The following MID1 variants were observed in gnomAD, a reference collection of about 807,000 sequenced individuals.
The protein encoded by MID1 is E3 ubiquitin-protein ligase Midline-1.
MID1 carries 7 observed loss-of-function variants against 40.4 expected under a neutral mutation model. That is an observed-to-expected ratio of 0.17 (90% CI 0.10 to 0.33). The LOEUF (loss-of-function observed/expected upper bound fraction) is 0.33, where lower values mean the gene tolerates loss of function less well. MID1 is among the 10% of genes least tolerant of loss of function. The probability of loss-of-function intolerance (pLI) is 1.00; values close to 1 mark genes in which losing one functional copy is unlikely to be tolerated. For missense variants in MID1, 367 were observed against 558.5 expected (o/e 0.66, Z 3.46); for synonymous variants, 229 against 221.2 (o/e 1.04, Z -0.31).
chrX:10,631,554 T>C (rs1378901552), intron 1 of MID1, among the ~76,000 whole-genome samples: 2 of 111,649 alleles, frequency 1.8e-5, no homozygotes, highest in Admixed American at 9.5e-5. Flanking sequence ...TACTCAAAAA[T>C]AGTAGCTTGT....
At chrX:10,553,040 G>A (rs1933977098) in intron 2 of MID1, among the ~76,000 whole-genome samples, 1 of 110,611 alleles carries the variant, frequency 9.0e-6, no homozygotes, top group Non-Finnish European at 1.9e-5. Flanking sequence ...CTGATGTCAG[G>A]AGTTCGAGAT....
chrX:10,495,520 G>C (rs1163789848), intron 4 of MID1, 64 bp downstream of exon 4: 11 of 828,156 alleles, frequency 1.3e-5, no homozygotes, highest in Admixed American at 4.5e-5. Context: ...AAAGTCCCTG[G>C]AGTGTATTAG....
At chrX:10,765,695 CA>C (rs752828221) in intron 1 of MID1, among the ~76,000 whole-genome samples, 3 of 111,028 alleles carry the variant, frequency 2.7e-5, no homozygotes, top group Non-Finnish European at 5.6e-5. Context: ...CTGGTTTGAA[CA>C]ATAAGCATGT....
intron 5 of MID1, among the ~76,000 whole-genome samples, chrX:10,480,294 G>A (rs1477020898): frequency 8.9e-6 from 1 of 112,305 alleles, no homozygotes; most frequent in Non-Finnish European, 1.9e-5. Flanking sequence ...TGGAACTGAG[G>A]GAGATTGTAT....
At chrX:10,787,601 G>T (rs1466873257) in intron 1 of MID1, among the ~76,000 whole-genome samples, 2 of 73,740 alleles carry the variant, frequency 2.7e-5, no homozygotes, top group African/African-American at 1.1e-4. Flanking sequence ...TTTTAAAATA[G>T]AGACAAGATC....
intron 1 of MID1, among the ~76,000 whole-genome samples, chrX:10,781,101 A>G (rs2043842585): frequency 8.9e-6 from 1 of 112,020 alleles, no homozygotes; most frequent in African/African-American, 3.2e-5. Context: ...TGGCTTAAAT[A>G]AGTGAAGGGG....
intron 1 of MID1, among the ~76,000 whole-genome samples, chrX:10,669,291 A>G (rs1020053338): frequency 3.7e-5 from 4 of 108,082 alleles, no homozygotes; most frequent in Non-Finnish European, 7.7e-5. Flanking sequence ...CTGATGGTGG[A>G]TGAATAAATC....
intron 1 of MID1, among the ~76,000 whole-genome samples, chrX:10,720,942 G>A (rs1310132494): frequency 9.3e-5 from 10 of 107,966 alleles, no homozygotes; most frequent in Admixed American, 2.0e-4. Flanking sequence ...GCAAACTATC[G>A]CAAGGACAAA....
intron 1 of MID1, among the ~76,000 whole-genome samples, chrX:10,820,587 T>G (rs2044167665): frequency 9.2e-6 from 1 of 108,848 alleles, no homozygotes; most frequent in South Asian, 4.0e-4. Flanking sequence ...GTCAGTAGAT[T>G]CCAGTGATTT....
At chrX:10,640,428 A>AT (rs769070727) in intron 1 of MID1, among the ~76,000 whole-genome samples, 1 of 111,272 alleles carries the variant, frequency 9.0e-6, no homozygotes, top group East Asian at 2.8e-4. Flanking sequence ...AGGCCATTAC[A>AT]TAATGGTAAA....
At chrX:10,725,621 G>A (rs2043384954) in intron 1 of MID1, among the ~76,000 whole-genome samples, 1 of 111,867 alleles carries the variant, frequency 8.9e-6, no homozygotes, top group South Asian at 3.8e-4. Context: ...CACTTTAGGA[G>A]GCCAAAGCAG....
chrX:10,551,796 G>A (rs977975449), intron 2 of MID1, among the ~76,000 whole-genome samples: 5 of 111,378 alleles, frequency 4.5e-5, no homozygotes, highest in Non-Finnish European at 7.5e-5. Flanking sequence ...CATTTTTAAC[G>A]TTTTAGAGAC....
At chrX:10,823,249 G>A (rs2044190052) in intron 1 of MID1, among the ~76,000 whole-genome samples, 2 of 111,275 alleles carry the variant, frequency 1.8e-5, no homozygotes, top group African/African-American at 3.3e-5. Flanking sequence ...GCATGTTCTC[G>A]CTTATACATG....
At chrX:10,642,279 G>A (rs1181816495) in intron 1 of MID1, among the ~76,000 whole-genome samples, 2 of 111,425 alleles carry the variant, frequency 1.8e-5, no homozygotes, top group Admixed American at 1.9e-4. Context: ...CATCGTCTCA[G>A]CCCAAAATCT....
chrX:10,795,529 C>T lies in MID1; in HGVS notation c.-187+38025G>A, dbSNP rs550029541. 2.8e-4 allele frequency among the ~76,000 whole-genome samples: 31 copies of T among 112,235 alleles called. No homozygotes were observed. The South Asian group carries it at 0.011, about 42-fold the overall frequency. ...GCCAAGATTACACTTCTTTAAAAAACAACCAGGGCCTACAAATAATTGCCT... is the reference window on the plus strand; with the variant it reads ...GCCAAGATTACACTTCTTTAAAAAATAACCAGGGCCTACAAATAATTGCCT... On this transcript the variant is annotated intron_variant, in intron 1 of 10. Coordinates refer to the MID1 transcript ENST00000380785.
intron 5 of MID1, among the ~76,000 whole-genome samples, chrX:10,481,192 G>A: frequency 8.9e-6 from 1 of 111,952 alleles, no homozygotes; most frequent in East Asian, 2.8e-4. Context: ...AACCTGCAAA[G>A]CGGAAAAATA....
rs1261491982 is a variant in MID1 at position 10,714,247 on chromosome X, G to A, written c.-186-93828C>T. ...GTGGGGAGAAAGCCTTCTTTGTGCTGGTCATTTGGAATGCAAACAATCAGA... is the reference window on the plus strand; with the variant it reads ...GTGGGGAGAAAGCCTTCTTTGTGCTAGTCATTTGGAATGCAAACAATCAGA... On this transcript the variant is annotated intron_variant, in intron 1 of 10. Coordinates refer to the MID1 transcript ENST00000380785. 2.7e-5 allele frequency among the ~76,000 whole-genome samples: 3 copies of A among 112,701 alleles called. No homozygotes were observed. The Admixed American group carries it at 2.8e-4, about 11-fold the overall frequency.
chrX:10,813,611 G>C (rs936052874), intron 1 of MID1, among the ~76,000 whole-genome samples: 4 of 111,023 alleles, frequency 3.6e-5, no homozygotes, highest in African/African-American at 9.8e-5. Flanking sequence ...AAGTGTGATG[G>C]ATGCCTCTGC....
intron 2 of MID1, among the ~76,000 whole-genome samples, chrX:10,534,004 CTT>C (rs58262166): frequency 9.6e-6 from 1 of 104,483 alleles, no homozygotes; most frequent in African/African-American, 3.5e-5. Flanking sequence ...TTATCCTGGT[CTT>C]TTTTTTTTTC....
Sources: allele counts gnomAD v4.1 joint callset (sites outside exome capture counted in the v4.1 genomes callset), GRCh38; gene constraint gnomAD v4.1.1; transcripts MANE v1.5; gene names NCBI Gene and HGNC (gene_info 2026-07-23, HGNC 2026-07-21).